ISM2: variants seen among roughly 807,000 people sequenced by gnomAD.
ISM2 encodes isthmin-2.
A neutral mutation model predicts 58.0 loss-of-function variants in ISM2; 50 were observed. That is an observed-to-expected ratio of 0.86 (90% CI 0.69 to 1.09). The LOEUF is 1.09. Ranked by LOEUF, ISM2 falls within the 50% of genes least tolerant of loss-of-function variation. The probability of loss-of-function intolerance (pLI) is 0.00; values close to 1 mark genes in which losing one functional copy is unlikely to be tolerated. For synonymous variants in ISM2, 303 were observed against 312.4 expected, an observed-to-expected ratio of 0.97 and a Z score of 0.32; for missense variants, 723 against 745.0, an observed-to-expected ratio of 0.97 and a Z score of 0.34.
intron 1 of ISM2, chr14:77,498,322 A>C: frequency 7.3e-7 from 1 of 1,374,822 alleles, no homozygotes; most frequent in Non-Finnish European, 9.6e-7. Flanking sequence ...CGCACCTGGA[A>C]AGGGGGCTGC....
At chr14:77,497,630 G>A (rs1430871386) in intron 1 of ISM2, among the ~76,000 whole-genome samples, 2 of 151,408 alleles carry the variant, frequency 1.3e-5, no homozygotes, top group African/African-American at 2.4e-5. Flanking sequence ...GGAGGTTGAG[G>A]CTACAGTGAG....
chr14:77,492,261 G>C (rs1407087203), intron 1 of ISM2, among the ~76,000 whole-genome samples: 1 of 152,140 alleles, frequency 6.6e-6, no homozygotes, highest in African/African-American at 2.4e-5. Context: ...CCAGGGAGGT[G>C]GTGGGTGCCA....
rs1566761249 is a variant in ISM2, at chr14:77,498,800, G to C, written c.-7C>G. 8 of 1,425,176 alleles carry C rather than the reference G, an allele frequency of 5.6e-6. No individual in the cohort carries two copies. Among genetic ancestry groups the C allele is most frequent in the Non-Finnish European group, 6.4e-6 (7 of 1,099,172 alleles). 88.3% of individuals were successfully genotyped at this position (1,425,176 alleles called of 1,614,324 possible). On this transcript the variant is annotated 5_prime_UTR_variant, in exon 1 of 7. Coordinates refer to ENST00000342219, the MANE Select transcript of ISM2 (RefSeq NM_199296.3). The stretch of plus-strand genomic sequence containing the variant: ...GGTCGCGGAGCGCACGCATCGTCTC[G>C]GTTCCGAGGCTGCTCTGCCTGCACC...
chr14:77,495,555 G>A (rs1469427323), intron 1 of ISM2, among the ~76,000 whole-genome samples: 1 of 152,136 alleles, frequency 6.6e-6, no homozygotes, highest in Admixed American at 6.5e-5. Flanking sequence ...AGGGACTGGC[G>A]AGAGGCCTCA....
In ISM2 at chr14:77,484,749, C is replaced by T. The variant is rs757019613; in HGVS notation, c.312G>A (p.Pro104=). ...GCAGCTTCTGCAGCTCCAGCCGCAACGGAGTAACCTCTGGGGTCCTGGGAG... is the reference window on the plus strand; with the variant it reads ...GCAGCTTCTGCAGCTCCAGCCGCAATGGAGTAACCTCTGGGGTCCTGGGAG... ...ATPPRTPEVT[P]LRLELQKLPG... Residue 104 remains proline (P), a synonymous_variant, in exon 2 of 7, where the codon CCG becomes CCA. Transcript: ENST00000342219. 48 of 1,600,844 alleles carry T rather than the reference C, an allele frequency of 3.0e-5. No individual in the cohort carries two copies. The highest frequency in any genetic ancestry group is 1.1e-4 in the South Asian group (10 of 90,592).
rs147260299 is a variant in ISM2 at position 77,482,494 on chromosome 14, C to G, written c.801G>C (p.Glu267Asp). The stretch of plus-strand genomic sequence containing the variant: ...GATAGTCCTCGTCTTCCTCCTTTTC[C>G]TCCCCCTTCTCCCCTGGGGCCCTGT... ...EKDRAPGEKG[E>D]EKEEDEDYPS... Residue 267 changes from glutamate to aspartate, a missense_variant, in exon 4 of 7, where the codon GAG (glutamate) becomes GAC (aspartate). By Grantham distance (45) the Glu-to-Asp change is conservative (BLOSUM62 2). Transcript: ENST00000342219. 116 of 1,614,200 alleles carry G rather than the reference C, an allele frequency of 7.2e-5. No individual in the cohort carries two copies. In the African/African-American group the frequency reaches 1.2e-3, roughly 16 times the overall value.
At chr14:77,497,769 GGGAAGGAAGGAA>G (rs1177768719) in intron 1 of ISM2, among the ~76,000 whole-genome samples, 1,274 of 85,892 alleles carry the variant, frequency 0.015, 46 homozygotes, top group Middle Eastern at 0.032. Flanking sequence ...GAGGGAGGGA[GGGAAGGAAGGAA>G]GGAAGGAAGG....
At chr14:77,489,503 G>C (rs921119808) in intron 1 of ISM2, among the ~76,000 whole-genome samples, 2 of 152,172 alleles carry the variant, frequency 1.3e-5, no homozygotes, top group African/African-American at 4.8e-5. Flanking sequence ...GAGGAATAGG[G>C]CTGGATTTCA....
Position 77,484,217 on chromosome 14 carries a change from C to A in ISM2, c.627+106G>T, listed in dbSNP as rs920777692. 2.4e-5 allele frequency: 35 copies of A among 1,441,212 alleles called. 1 individual carries two copies. Among genetic ancestry groups the A allele is most frequent in the Middle Eastern group, 3.7e-4 (2 of 5,432 alleles). The allele number at this position is 1,441,212 out of a possible 1,614,324, so 89.3% of individuals were successfully genotyped here. On this transcript the variant is annotated intron_variant, in intron 3 of 6. Transcript: ENST00000342219. ...CCTGCCCTCTGACCCCACACAGCAG[C>A]CCCACCCTCCACGGAATCCAGGATA...
chr14:77,482,700 G>A, intron 3 of ISM2, 33 bp from the exon 4 acceptor site: 1 of 1,357,458 alleles, frequency 7.4e-7, no homozygotes, highest in Non-Finnish European at 1.0e-6. Flanking sequence ...GCCAGTGAAG[G>A]AGGTCTTAGA....
At chr14:77,490,009 G>T (rs544590614) in intron 1 of ISM2, among the ~76,000 whole-genome samples, 2 of 152,176 alleles carry the variant, frequency 1.3e-5, no homozygotes, top group African/African-American at 2.4e-5. Flanking sequence ...GACTACAGGC[G>T]CCCGCCACCA....
rs995267805 is a variant in ISM2, at chr14:77,484,870, G to A, written c.191C>T (p.Pro64Leu). 6.4e-7 allele frequency: 1 copy of A among 1,559,500 alleles called. No individual in the cohort carries two copies. Among genetic ancestry groups the A allele is most frequent in the South Asian group, 1.2e-5 (1 of 83,126 alleles). The change falls in exon 2 of 7, where the codon CCA (proline) becomes CTA (leucine). Residue 64 changes from proline to leucine, a missense_variant. Pro to Leu is a moderately conservative substitution (Grantham distance 98). Coordinates refer to ENST00000342219, the MANE Select transcript of ISM2 (RefSeq NM_199296.3). ...PRPLKEEEEA[P>L]LLPRTHLQAE... ...CTGCAGGTGGGTTCTGGGGAGCAGT[G>A]GTGCCTCCTCCTCTTCCTTCAGAGG...
At chr14:77,480,502 A>C (rs1356937490) in intron 4 of ISM2, among the ~76,000 whole-genome samples, 1 of 150,282 alleles carries the variant, frequency 6.7e-6, no homozygotes, top group Admixed American at 6.6e-5. Flanking sequence ...CCAAGAGTTT[A>C]AGGAAAATTA....
rs1446002386 is a variant in ISM2 at position 77,482,474 on chromosome 14, T to A, written c.821A>T (p.Asp274Val). 6.2e-7 allele frequency: 1 copy of A among 1,614,184 alleles called. No homozygotes were observed. Among genetic ancestry groups the A allele is most frequent in the Admixed American group, 1.7e-5 (1 of 60,024 alleles). The stretch of plus-strand genomic sequence containing the variant: ...ACCCTCGATATCCTCTGAAGGATAG[T>A]CCTCGTCTTCCTCCTTTTCCTCCCC... ...EKGEEKEEDE[D>V]YPSEDIEGED... The change falls in exon 4 of 7, where the codon GAC becomes GTC. Residue 274 changes from aspartate to valine, a missense_variant. Coordinates refer to ENST00000342219, the MANE Select transcript of ISM2 (RefSeq NM_199296.3).
At chr14:77,476,588 T>A (rs1304686808) in intron 6 of ISM2, among the ~76,000 whole-genome samples, 1 of 152,180 alleles carries the variant, frequency 6.6e-6, no homozygotes, top group East Asian at 1.9e-4. Context: ...ATTTGGCCAC[T>A]TTGGGCCTCC....
Position 77,476,102 on chromosome 14 carries a change from G to T in ISM2, c.1209C>A (p.Ser403Arg). ...TCTTGCAGTTCAGCCACTTCTCACAGCTGTCCACATCTGCAAAGGGCCACA... is the reference window on the plus strand; with the variant it reads ...TCTTGCAGTTCAGCCACTTCTCACATCTGTCCACATCTGCAAAGGGCCACA... ...ATDMHDQDVD[S>R]CEKWLNCKSD... is the part of the protein sequence containing the mutation. Residue 403 changes from serine (S) to arginine (R), a missense_variant, in exon 7 of 7, where the codon AGC becomes AGA. Transcript: ENST00000342219. 6.6e-7 allele frequency: 1 copy of T among 1,519,856 alleles called. No individual in the cohort carries two copies. The highest frequency in any genetic ancestry group is 8.8e-7 in the Non-Finnish European group (1 of 1,138,402). The allele number at this position is 1,519,856 out of a possible 1,614,324, so 94.1% of individuals were successfully genotyped here.
chr14:77,485,047 C>T, intron 1 of ISM2, 128 bp from the exon 2 acceptor site: 2 of 964,328 alleles, frequency 2.1e-6, no homozygotes, highest in East Asian at 2.4e-5. Flanking sequence ...CTGTGACTTA[C>T]ATCTCTCTGG....
chr14:77,485,786 C>A (rs75698064), intron 1 of ISM2, among the ~76,000 whole-genome samples: 1 of 152,208 alleles, frequency 6.6e-6, no homozygotes, highest in Admixed American at 6.5e-5. Flanking sequence ...CAGGCCACAC[C>A]CTTGCCACCC....
chr14:77,498,306 C>T, intron 1 of ISM2: 1 of 1,356,768 alleles, frequency 7.4e-7, no homozygotes, highest in South Asian at 1.2e-5. Context: ...CCTCTCCGAG[C>T]TAGCGCGCAC....
Sources: gnomAD v4.1 joint callset for allele counts (sites outside exome capture counted in the v4.1 genomes callset) on GRCh38, gnomAD v4.1.1 for gene constraint, MANE v1.5 for transcripts, NCBI Gene and HGNC (gene_info 2026-07-23, HGNC 2026-07-21) for gene names.